CTNNA3: variants seen among roughly 807,000 people sequenced by gnomAD.
The protein encoded by CTNNA3 is catenin alpha 3, also known as catenin alpha-3.
CTNNA3 carries 76 observed loss-of-function variants against 95.7 expected under a neutral mutation model. The observed-to-expected ratio is 0.79, with a 90% CI of 0.66 to 0.96. CTNNA3 has a LOEUF of 0.96. CTNNA3 is among the 40% of genes least tolerant of loss of function. The pLI, the probability that CTNNA3 is intolerant of heterozygous loss-of-function variation, is 0.00. For synonymous variants in CTNNA3, 431 were observed against 374.4 expected (o/e 1.15, Z -1.74); for missense variants, 1,191 against 1,089.8 (o/e 1.09, Z -1.31).
chr10:67,418,442 G>C (rs1017459463), intron 5 of CTNNA3, among the ~76,000 whole-genome samples: 1 of 150,700 alleles, frequency 6.6e-6, no homozygotes, highest in African/African-American at 2.4e-5. Context: ...AAATCAACCT[G>C]TATCTATCAA....
chr10:66,545,738 T>C (rs1189516879), intron 10 of CTNNA3, among the ~76,000 whole-genome samples: 1 of 152,010 alleles, frequency 6.6e-6, no homozygotes, highest in African/African-American at 2.4e-5. Flanking sequence ...AGAATACAGT[T>C]GTGTTTTTTA....
intron 17 of CTNNA3, among the ~76,000 whole-genome samples, chr10:65,942,243 G>A (rs1449744927): frequency 6.6e-6 from 1 of 152,190 alleles, no homozygotes; most frequent in African/African-American, 2.4e-5. Flanking sequence ...ATGATTGCAA[G>A]TAGATTGCCA....
rs576399651 is a variant in CTNNA3, at chr10:66,172,969, TAAG to T, written c.1885-69723_1885-69721del. Among the ~76,000 whole-genome samples the T allele has an allele frequency of 2.8e-4, 43 of 152,138 alleles. 1 individual carries two copies. In the South Asian group the frequency reaches 7.7e-3, roughly 27 times the overall value. ...TTACAGCCCTCAAATAATGCACAAT[TAAG>T]AAGACAGTAAAAGCATACACTGACC... On this transcript the variant is annotated intron_variant, in intron 13 of 17. Transcript: ENST00000433211.
rs1192193286 is a variant in CTNNA3, at chr10:65,916,995, C to T, written c.*3335G>A. On this transcript the variant is annotated 3_prime_UTR_variant, in exon 18 of 18. Coordinates refer to ENST00000433211, the MANE Select transcript of CTNNA3 (RefSeq NM_013266.4). Reference sequence around the variant, plus strand: ...CTTAATTGTATATTCACAATTTTAGCTTGAAATTGAAACCGACTGCCTTTG... The same window carrying T: ...CTTAATTGTATATTCACAATTTTAGTTTGAAATTGAAACCGACTGCCTTTG... 1 of 152,102 alleles carries T rather than the reference C, an allele frequency of 6.6e-6. No homozygotes were observed. Among genetic ancestry groups the T allele is most frequent in the East Asian group, 1.9e-4 (1 of 5,192 alleles). 9.4% of individuals were successfully genotyped at this position (152,102 alleles called of 1,614,324 possible).
chr10:66,029,170 C>T (rs747527563), intron 15 of CTNNA3, among the ~76,000 whole-genome samples: 2 of 152,080 alleles, frequency 1.3e-5, no homozygotes, highest in East Asian at 3.8e-4. Flanking sequence ...TACATAGCTT[C>T]TAATTGGCCT....
rs778228696 is a variant in CTNNA3 at position 66,927,020 on chromosome 10, C to G, written c.1048-151496G>C. 1 of 1,614,124 alleles carries G rather than the reference C, an allele frequency of 6.2e-7. No individual in the cohort carries two copies. The highest frequency in any genetic ancestry group is 2.2e-5 in the East Asian group (1 of 44,868). ...CTTTCTTCTGCCGAACGAGGATGCC[C>G]TAAGGGCTGTAGGTGTGAAGGCAAA... On this transcript the variant is annotated intron_variant, in intron 7 of 17. Transcript: ENST00000433211. The surrounding 1 kb of genome is among the most constrained non-coding windows in gnomAD (Gnocchi z 4.7).
intron 1 of CTNNA3, among the ~76,000 whole-genome samples, chr10:67,676,596 G>T (rs191443398): frequency 2.0e-5 from 3 of 152,248 alleles, no homozygotes; most frequent in Admixed American, 2.0e-4. Context: ...AGAAAGAAAG[G>T]CAGAGAAGTG....
intron 7 of CTNNA3, among the ~76,000 whole-genome samples, chr10:66,909,017 A>G (rs1296400582): frequency 6.6e-6 from 1 of 152,202 alleles, no homozygotes; most frequent in Non-Finnish European, 1.5e-5. Flanking sequence ...CCTTCTTGAC[A>G]CGGTATTGTT....
At chr10:65,991,679 A>T (rs886940550) in intron 15 of CTNNA3, among the ~76,000 whole-genome samples, 1 of 152,056 alleles carries the variant, frequency 6.6e-6, no homozygotes, top group African/African-American at 2.4e-5. Context: ...TTAATATAAG[A>T]TAATTTCATT....
rs1589263244 is a variant in CTNNA3, at chr10:66,446,571, A to T, written c.1532-67219T>A. Among the ~76,000 whole-genome samples the T allele has an allele frequency of 5.3e-5, 8 of 151,818 alleles. No homozygotes were observed. The South Asian group carries it at 1.7e-3, about 31-fold the overall frequency. On this transcript the variant is annotated intron_variant, in intron 11 of 17. Transcript: ENST00000433211. Reference sequence around the variant, plus strand: ...GCATATAAACAGAACCAAAGACAAAAACCACATGATTATCTCAATAGATGC... The same window carrying T: ...GCATATAAACAGAACCAAAGACAAATACCACATGATTATCTCAATAGATGC...
At chr10:66,243,881 A>T (rs1008182809) in intron 13 of CTNNA3, among the ~76,000 whole-genome samples, 1 of 151,780 alleles carries the variant, frequency 6.6e-6, no homozygotes, top group African/African-American at 2.4e-5. Context: ...CTTGGGTGAG[A>T]CTTTGAGACA....
chr10:67,722,987 T>C (rs1156793534), intron 1 of CTNNA3, among the ~76,000 whole-genome samples: 1 of 37,080 alleles, frequency 2.7e-5, no homozygotes, highest in African/African-American at 8.3e-4. Context: ...TTTCAGCTCT[T>C]TTTTTTTTTT....
At chr10:66,402,025 T>C (rs1461283642) in intron 11 of CTNNA3, among the ~76,000 whole-genome samples, 1 of 152,146 alleles carries the variant, frequency 6.6e-6, no homozygotes, top group Admixed American at 6.5e-5. Context: ...ATAGTGAGGT[T>C]AAAATGCTCA....
chr10:66,305,029 C>T (rs563598010), intron 12 of CTNNA3, among the ~76,000 whole-genome samples: 5 of 152,166 alleles, frequency 3.3e-5, no homozygotes, highest in Admixed American at 6.5e-5. Context: ...TGGTGGCACA[C>T]GCAACTTCTC....
intron 5 of CTNNA3, among the ~76,000 whole-genome samples, chr10:67,333,836 C>T (rs748010440): frequency 1.2e-4 from 19 of 152,108 alleles, no homozygotes. Context: ...TCATCTCTCA[C>T]ATCAATTACA....
At chr10:67,468,115 T>C (rs567215453) in intron 5 of CTNNA3, among the ~76,000 whole-genome samples, 2 of 152,170 alleles carry the variant, frequency 1.3e-5, no homozygotes, top group South Asian at 4.1e-4. Flanking sequence ...GTTGTACAGA[T>C]TATTTCATCA....
intron 15 of CTNNA3, among the ~76,000 whole-genome samples, chr10:66,018,709 A>C (rs2133416088): frequency 6.6e-6 from 1 of 152,240 alleles, no homozygotes. Flanking sequence ...AATTTTGAAA[A>C]GAGGAATTAT....
intron 3 of CTNNA3, among the ~76,000 whole-genome samples, chr10:67,559,554 A>G (rs559042561): frequency 6.6e-6 from 1 of 152,318 alleles, no homozygotes; most frequent in Non-Finnish European, 1.5e-5. Context: ...ACAGAGCAGA[A>G]AAACTGGAAA....
At chr10:66,794,116 A>G (rs1398532608) in intron 7 of CTNNA3, among the ~76,000 whole-genome samples, 2 of 152,180 alleles carry the variant, frequency 1.3e-5, no homozygotes, top group South Asian at 2.1e-4. Context: ...AAGCAGAACT[A>G]GGGCATGGTT....
Sources: allele counts gnomAD v4.1 joint callset (sites outside exome capture counted in the v4.1 genomes callset), GRCh38; gene constraint gnomAD v4.1.1; non-coding constraint Gnocchi (gnomAD v3.1); transcripts MANE v1.5; gene names NCBI Gene and HGNC (gene_info 2026-07-23, HGNC 2026-07-21).